Variants in AKAP6 observed in about 807,000 individuals in gnomAD.
AKAP6 encodes the protein A-kinase anchoring protein 6, also known as A-kinase anchor protein 6.
AKAP6 carries 58 observed loss-of-function variants against 188.5 expected under a neutral mutation model. That is an observed-to-expected ratio of 0.31 (90% CI 0.25 to 0.38). AKAP6 has a LOEUF of 0.38. AKAP6 is among the 10% of genes least tolerant of loss of function. AKAP6 has a pLI of 1.00. For missense variants in AKAP6, 2,710 were observed against 2,740.0 expected (o/e 0.99, Z 0.24); for synonymous variants, 989 against 998.6 (o/e 0.99, Z 0.18).
intron 5 of AKAP6, among the ~76,000 whole-genome samples, chr14:32,583,801 G>T (rs539239703): frequency 6.7e-6 from 1 of 149,624 alleles, no homozygotes; most frequent in Admixed American, 6.7e-5. Context: ...ATAATCTCCC[G>T]GTGCGCCGTT....
At chr14:32,754,151 G>T (rs1348336810) in intron 11 of AKAP6, among the ~76,000 whole-genome samples, 2 of 152,072 alleles carry the variant, frequency 1.3e-5, no homozygotes, top group South Asian at 4.1e-4. Context: ...CTTCGTTTCT[G>T]TCAATATTTG....
chr14:32,339,689 T>C (rs1047465535), intron 1 of AKAP6, among the ~76,000 whole-genome samples: 19 of 152,124 alleles, frequency 1.2e-4, no homozygotes, highest in African/African-American at 4.6e-4. Context: ...AAGTTTCAGA[T>C]AGGGAGAGTG....
At chr14:32,681,066 A>C (rs771303859) in intron 8 of AKAP6, among the ~76,000 whole-genome samples, 2 of 152,208 alleles carry the variant, frequency 1.3e-5, no homozygotes, top group Non-Finnish European at 2.9e-5. Flanking sequence ...AATTTAGGTG[A>C]AAGCACTTAT....
rs199615144 is a variant in AKAP6 at position 32,380,892 on chromosome 14, G to GT, written c.-35+51494dup. 3.5e-3 allele frequency among the ~76,000 whole-genome samples: 528 copies of GT among 149,980 alleles called. 3 individuals are homozygous for GT. Among genetic ancestry groups the GT allele is most frequent in the Admixed American group, 8.6e-3 (129 of 15,002 alleles). On this transcript the variant is annotated intron_variant, in intron 1 of 13. Transcript: ENST00000280979. Reference sequence around the variant, plus strand: ...TCACTTAAGACCCTCTTACAAAAGAGTTTTTTTTTTCCTTAGTGTTTTTAG... The same window carrying GT: ...TCACTTAAGACCCTCTTACAAAAGAGTTTTTTTTTTTCCTTAGTGTTTTTAG...
rs1303175231 is a variant in AKAP6 at position 32,830,029 on chromosome 14, A to G, written c.*224A>G. 3 of 694,902 alleles carry G rather than the reference A, an allele frequency of 4.3e-6. No individual in the cohort carries two copies. Among genetic ancestry groups the G allele is most frequent in the East Asian group, 2.7e-5 (1 of 36,568 alleles). The allele number at this position is 694,902 out of a possible 1,614,324, so 43.0% of individuals were successfully genotyped here. A position where few individuals can be genotyped will look rare whatever the true frequency, so the allele number is the denominator to read the frequency against. ...TGTGTGCGCTGGTTCTCTTTAGGTGATCGTCTTTGAAGTTCAGCAAAGCTG... is the reference window on the plus strand; with the variant it reads ...TGTGTGCGCTGGTTCTCTTTAGGTGGTCGTCTTTGAAGTTCAGCAAAGCTG... On this transcript the variant is annotated 3_prime_UTR_variant, in exon 14 of 14. Coordinates refer to ENST00000280979, the MANE Select transcript of AKAP6 (RefSeq NM_004274.5).
intron 8 of AKAP6, among the ~76,000 whole-genome samples, chr14:32,690,761 A>T (rs1313160466): frequency 2.0e-5 from 3 of 152,166 alleles, no homozygotes; most frequent in Non-Finnish European, 4.4e-5. Flanking sequence ...GTCTAAGAAA[A>T]ACTGACTTCA....
chr14:32,542,106 C>G (rs745568093), intron 3 of AKAP6, among the ~76,000 whole-genome samples: 10 of 152,142 alleles, frequency 6.6e-5, no homozygotes, highest in Non-Finnish European at 1.5e-4. Flanking sequence ...TCTCAACACC[C>G]CTATGGCATG....
chr14:32,678,851 C>G (rs192352144), intron 8 of AKAP6, among the ~76,000 whole-genome samples: 26 of 152,216 alleles, frequency 1.7e-4, no homozygotes, highest in African/African-American at 5.8e-4. Context: ...ATTTTGGAAA[C>G]TTAGAAGAAC....
intron 11 of AKAP6, among the ~76,000 whole-genome samples, chr14:32,736,757 C>T (rs2139846495): frequency 6.6e-6 from 1 of 151,436 alleles, no homozygotes; most frequent in South Asian, 2.1e-4. Context: ...TTTTATTCAT[C>T]CCACCTTGCC....
chr14:32,636,189 A>G (rs897337817), intron 7 of AKAP6, among the ~76,000 whole-genome samples: 37 of 152,284 alleles, frequency 2.4e-4, no homozygotes, highest in Middle Eastern at 3.4e-3. Context: ...GTACATGTGC[A>G]GAAACATCTA....
intron 5 of AKAP6, among the ~76,000 whole-genome samples, chr14:32,594,363 G>A (rs1010249632): frequency 1.3e-5 from 2 of 151,966 alleles, no homozygotes; most frequent in Non-Finnish European, 1.5e-5. Context: ...GATACAATTT[G>A]GAATCTTCAT....
intron 1 of AKAP6, among the ~76,000 whole-genome samples, chr14:32,359,017 T>A (rs1287321932): frequency 6.6e-6 from 1 of 152,170 alleles, no homozygotes; most frequent in Non-Finnish European, 1.5e-5. Context: ...GGGACTGGCC[T>A]TTATTAGGTT....
At chr14:32,623,601 A>G (rs930452086) in intron 7 of AKAP6, among the ~76,000 whole-genome samples, 4 of 152,116 alleles carry the variant, frequency 2.6e-5, no homozygotes, top group Non-Finnish European at 5.9e-5. Flanking sequence ...TCTGCAAAAT[A>G]TTTGACACTT....
chr14:32,520,351 C>A (rs1313333660), intron 2 of AKAP6, among the ~76,000 whole-genome samples: 1 of 151,552 alleles, frequency 6.6e-6, no homozygotes, highest in Non-Finnish European at 1.5e-5. Context: ...AAGATCAGAG[C>A]AGAACTGAAG....
At chr14:32,711,603 T>C (rs1423589805) in intron 9 of AKAP6, among the ~76,000 whole-genome samples, 1 of 152,082 alleles carries the variant, frequency 6.6e-6, no homozygotes, top group Non-Finnish European at 1.5e-5. Context: ...AGTTAACTGA[T>C]CTTGAAGCTT....
chr14:32,670,753 A>G (rs1479564544), intron 7 of AKAP6, among the ~76,000 whole-genome samples: 1 of 152,034 alleles, frequency 6.6e-6, no homozygotes, highest in African/African-American at 2.4e-5. Flanking sequence ...TGGGAAGAAT[A>G]GTAAACAAGT....
intron 7 of AKAP6, among the ~76,000 whole-genome samples, chr14:32,621,601 A>G (rs1010199082): frequency 2.0e-5 from 3 of 152,074 alleles, no homozygotes; most frequent in Non-Finnish European, 2.9e-5. Flanking sequence ...CATATGGTCT[A>G]TCTTGGAGAA....
At chr14:32,676,093 C>A in intron 7 of AKAP6, among the ~76,000 whole-genome samples, 1 of 152,124 alleles carries the variant, frequency 6.6e-6, no homozygotes, top group East Asian at 1.9e-4. Context: ...TCCCTTGGTA[C>A]CTAATGGCAC....
chr14:32,507,664 A>G (rs958894464), intron 2 of AKAP6, among the ~76,000 whole-genome samples: 2 of 152,110 alleles, frequency 1.3e-5, no homozygotes, highest in Non-Finnish European at 2.9e-5. Flanking sequence ...GGAATGAGTG[A>G]TGCAGTCAAG....
Sources: gnomAD v4.1 joint callset for allele counts (sites outside exome capture counted in the v4.1 genomes callset) on GRCh38, gnomAD v4.1.1 for gene constraint, MANE v1.5 for transcripts, NCBI Gene and HGNC (gene_info 2026-07-23, HGNC 2026-07-21) for gene names.